CREB3L2: variants seen among roughly 807,000 people sequenced by gnomAD.
The protein encoded by CREB3L2 is cyclic AMP-responsive element-binding protein 3-like protein 2.
Under a neutral mutation model 57.2 loss-of-function variants are expected in CREB3L2, and 23 were observed. The observed-to-expected ratio is 0.40, with a 90% CI of 0.29 to 0.57. The LOEUF (loss-of-function observed/expected upper bound fraction) is 0.57. Among genes scored for constraint, CREB3L2 ranks in the 20% least tolerant of loss-of-function variants. The pLI is 0.42. For missense variants in CREB3L2, 628 were observed against 634.7 expected (o/e 0.99, Z 0.11); for synonymous variants, 268 against 265.1 (o/e 1.01, Z -0.11).
chr7:137,957,954 T>C (rs1220325273), intron 1 of CREB3L2: 4 of 376,882 alleles, frequency 1.1e-5, no homozygotes, highest in African/African-American at 4.2e-5. Flanking sequence ...GGCAGGAACA[T>C]TGTGTCTGGC....
intron 8 of CREB3L2, among the ~76,000 whole-genome samples, chr7:137,896,167 A>G (rs1486851233): frequency 2.6e-5 from 4 of 152,374 alleles, no homozygotes. Context: ...TGAGCGCCAC[A>G]GACGCCCTCG....
rs1585584286 is a variant in CREB3L2 at position 137,880,488 on chromosome 7, G to A, written c.1551C>T (p.Asn517=). ...LKVVELDRRV[N]TTF ...GCAGGCAGCCTCTTTAGAAAGTGGT[G>A]TTCACTCTTCTGTCGAGTTCTACAA... is the stretch of plus-strand genomic sequence containing the variant. The change falls in exon 12 of 12, where the codon AAC becomes AAT. Residue 517 remains asparagine (N), a synonymous_variant. Coordinates refer to ENST00000330387, the MANE Select transcript of CREB3L2 (RefSeq NM_194071.4). The surrounding 1 kb of genome is among the most constrained non-coding windows in gnomAD (Gnocchi z 4.0). 2 of 1,613,362 alleles carry A rather than the reference G, an allele frequency of 1.2e-6. No individual in the cohort carries two copies. Among genetic ancestry groups the A allele is most frequent in the Non-Finnish European group, 1.7e-6 (2 of 1,179,538 alleles).
At chr7:137,974,503 A>C (rs1461308291) in intron 1 of CREB3L2, among the ~76,000 whole-genome samples, 1 of 152,214 alleles carries the variant, frequency 6.6e-6, no homozygotes, top group African/African-American at 2.4e-5. Context: ...GTCAGGGAAG[A>C]GATCAGATGT....
intron 1 of CREB3L2, among the ~76,000 whole-genome samples, chr7:137,946,311 T>C (rs1488520466): frequency 6.6e-6 from 1 of 151,886 alleles, no homozygotes; most frequent in African/African-American, 2.4e-5. Context: ...ACGGAGATTA[T>C]CCTGAGCGGG....
chr7:137,969,084 G>A (rs1382705685), intron 1 of CREB3L2, among the ~76,000 whole-genome samples: 1 of 152,148 alleles, frequency 6.6e-6, no homozygotes, highest in African/African-American at 2.4e-5. Context: ...AGGGCAGAGA[G>A]CTCAAATCTG....
Position 137,901,416 on chromosome 7 carries a change from C to T in CREB3L2, c.981G>A (p.Glu327=), listed in dbSNP as rs753518110. ...GCTCCAAGTTCTCAGTTGAACAAGACTCCACTCTACAAAGGAGGGAGAAAG... is the reference window on the plus strand; with the variant it reads ...GCTCCAAGTTCTCAGTTGAACAAGATTCCACTCTACAAAGGAGGGAGAAAG... ...EYMDSLEKKV[E]SCSTENLELR... The change falls in exon 8 of 12, where the codon GAG becomes GAA. Residue 327 remains glutamate, a synonymous_variant. Coordinates refer to ENST00000330387, the MANE Select transcript of CREB3L2 (RefSeq NM_194071.4). 3.7e-6 allele frequency: 6 copies of T among 1,601,924 alleles called. No homozygotes were observed. Among genetic ancestry groups the T allele is most frequent in the East Asian group, 2.2e-5 (1 of 44,814 alleles).
intron 1 of CREB3L2, among the ~76,000 whole-genome samples, chr7:137,975,994 C>A (rs906437360): frequency 6.6e-6 from 1 of 152,202 alleles, no homozygotes; most frequent in Non-Finnish European, 1.5e-5. Flanking sequence ...TTCTCTGCTC[C>A]AAGAGTCTGA....
At chr7:137,920,923 T>C (rs273950) in intron 2 of CREB3L2, among the ~76,000 whole-genome samples, 82,242 of 152,132 alleles carry the variant, frequency 0.54, 24,255 homozygotes, top group East Asian at 0.9. Flanking sequence ...ATGTAATCTA[T>C]GAAGTGAGGG....
rs1360037052 is a variant in CREB3L2, at chr7:138,001,466, C to A, written c.102+138G>T. On this transcript the variant is annotated intron_variant, in intron 1 of 11. Transcript: ENST00000330387. The surrounding 1 kb of genome is among the most constrained non-coding windows in gnomAD (Gnocchi z 4.2). The stretch of plus-strand genomic sequence containing the variant: ...TCATCTGCTCAGACATTAAAGTACA[C>A]CTCGCCCAGGACCTCTTGATTCTGA... 1.6e-6 allele frequency: 1 copy of A among 611,450 alleles called. No individual in the cohort carries two copies. The highest frequency in any genetic ancestry group is 2.9e-6 in the Non-Finnish European group (1 of 344,572). 37.9% of individuals were successfully genotyped at this position (611,450 alleles called of 1,614,324 possible).
chr7:137,966,856 G>A (rs553312416), intron 1 of CREB3L2, among the ~76,000 whole-genome samples: 2 of 152,238 alleles, frequency 1.3e-5, no homozygotes, highest in African/African-American at 4.8e-5. Context: ...TCAAGTGTCT[G>A]GGAATGAGGG....
intron 1 of CREB3L2, among the ~76,000 whole-genome samples, chr7:137,959,599 C>T (rs1801282263): frequency 6.6e-6 from 1 of 152,154 alleles, no homozygotes; most frequent in Non-Finnish European, 1.5e-5. Flanking sequence ...GTAGCAAAAC[C>T]TTAAACACCA....
chr7:138,001,706 G>A lies in CREB3L2; in HGVS notation c.-1C>T. The A allele has an allele frequency of 7.5e-6, 12 of 1,606,914 alleles. No homozygotes were observed. The highest frequency in any genetic ancestry group is 1.0e-5 in the Non-Finnish European group (12 of 1,178,030). ...GCTCCCCGCTCTCCAGCACCTCCAT[G>A]GCGGTGCGGGCCGCGCTGGGCCGAG... On this transcript the variant is annotated 5_prime_UTR_variant, in exon 1 of 12. Transcript: ENST00000330387. The surrounding 1 kb of genome is among the most constrained non-coding windows in gnomAD (Gnocchi z 4.2).
intron 1 of CREB3L2, among the ~76,000 whole-genome samples, chr7:138,000,633 G>A (rs2117340869): frequency 6.6e-6 from 1 of 152,206 alleles, no homozygotes; most frequent in Non-Finnish European, 1.5e-5. Flanking sequence ...AAAAAAGCGT[G>A]AAGGGGAAGC....
At chr7:137,906,482 T>G (rs938907133) in intron 5 of CREB3L2, among the ~76,000 whole-genome samples, 11 of 152,202 alleles carry the variant, frequency 7.2e-5, no homozygotes, top group Admixed American at 2.6e-4. Flanking sequence ...CCCTATTGCA[T>G]TTTAGCTCCA....
At position 137,935,941 on chromosome 7, in the gene CREB3L2, G is replaced by C. The variant is rs765539899; in HGVS notation, c.103-7575C>G. 2.9e-4 allele frequency: 280 copies of C among 970,298 alleles called. 1 individual carries two copies. Among genetic ancestry groups the C allele is most frequent in the Non-Finnish European group, 3.3e-4 (266 of 816,270 alleles). 60.1% of individuals were successfully genotyped at this position (970,298 alleles called of 1,614,324 possible). A position where few individuals can be genotyped will look rare whatever the true frequency, so the allele number is the denominator to read the frequency against. ...ACTGCCAAAGTAGCTTGCAAGGAAG[G>C]AGTGGTTTATGATCTGGGCCACTTC... On this transcript the variant is annotated intron_variant, in intron 1 of 11. Coordinates refer to ENST00000330387, the MANE Select transcript of CREB3L2 (RefSeq NM_194071.4).
chr7:138,000,027 C>A (rs897432165), intron 1 of CREB3L2, among the ~76,000 whole-genome samples: 2 of 152,172 alleles, frequency 1.3e-5, no homozygotes, highest in African/African-American at 2.4e-5. Context: ...GCATCTCGCA[C>A]CTTTCCCTGT....
intron 8 of CREB3L2, among the ~76,000 whole-genome samples, chr7:137,898,850 TCAAA>T (rs1379245036): frequency 1.3e-5 from 2 of 148,226 alleles, no homozygotes; most frequent in South Asian, 2.1e-4. Context: ...AATGGACATA[TCAAA>T]CAGTTTGAAC....
chr7:137,899,715 A>G (rs1345242375), intron 8 of CREB3L2, among the ~76,000 whole-genome samples: 2 of 152,176 alleles, frequency 1.3e-5, no homozygotes, highest in Non-Finnish European at 2.9e-5. Flanking sequence ...CTTACAGAGC[A>G]CTTGGGGTGA....
chr7:137,900,554 G>C (rs1799730578), intron 8 of CREB3L2, among the ~76,000 whole-genome samples: 1 of 152,098 alleles, frequency 6.6e-6, no homozygotes, highest in Non-Finnish European at 1.5e-5. Flanking sequence ...CAGCATTTTG[G>C]GAGGCCAAGG....
Sources: allele counts gnomAD v4.1 joint callset (sites outside exome capture counted in the v4.1 genomes callset), GRCh38; gene constraint gnomAD v4.1.1; non-coding constraint Gnocchi (gnomAD v3.1); transcripts MANE v1.5; gene names NCBI Gene and HGNC (gene_info 2026-07-23, HGNC 2026-07-21).